CLIC5: variants seen among roughly 807,000 people sequenced by gnomAD.
CLIC5 encodes CLIC family member 5.
A neutral mutation model predicts 24.7 loss-of-function variants in CLIC5; 20 were observed. That is an observed-to-expected ratio of 0.81 (90% CI 0.57 to 1.18). CLIC5 has a LOEUF of 1.18. Ranked by LOEUF, CLIC5 falls within the 50% of genes most tolerant of loss-of-function variation. CLIC5 has a pLI of 0.00. For synonymous variants in CLIC5, 159 were observed against 135.6 expected (o/e 1.17, Z -1.20); for missense variants, 341 against 326.1 (o/e 1.05, Z -0.35).
rs1261254146 is a variant in CLIC5, at chr6:46,007,900, GT to G, written c.63+7579del. Among the ~76,000 whole-genome samples the G allele has an allele frequency of 7.1e-3, 1,011 of 142,958 alleles. 11 individuals carry two copies. Among genetic ancestry groups the G allele is most frequent in the African/African-American group, 0.022 (875 of 38,924 alleles). The allele number at this position is 142,958 out of a possible 152,430, so 93.8% of individuals were successfully genotyped here. ...TTCTTTTGTTTGTTTGTTTTTTCCT[GT>G]TTTTTTTCTTTTTCTTTTTTTTTTT... On this transcript the variant is annotated intron_variant, in intron 1 of 5. Transcript: ENST00000339561.
the CLIC5 span, among the ~76,000 whole-genome samples, chr6:46,100,211 C>T: frequency 6.6e-6 from 1 of 152,170 alleles, no homozygotes; most frequent in East Asian, 1.9e-4. Flanking sequence ...AGTCTTCAGT[C>T]ACTAGGTCAG....
In CLIC5 at chr6:45,941,575, G is replaced by T; in HGVS notation, c.378C>A (p.Ile126=). 6.2e-7 allele frequency: 1 copy of T among 1,613,768 alleles called. No homozygotes were observed. The highest frequency in any genetic ancestry group is 8.5e-7 in the Non-Finnish European group (1 of 1,179,754). ...CATTGTTCTGCTGCTTGGTATTTTT[G>T]ATGTAGGCAGAAAACTTGGAAAAGA... ...IDIFSKFSAY[I]KNTKQQNNAA... is the part of the protein sequence containing the mutation. Residue 126 remains isoleucine (I), a synonymous_variant, in exon 4 of 6, where the codon ATC becomes ATA. Coordinates refer to ENST00000339561, the MANE Select transcript of CLIC5 (RefSeq NM_016929.5).
the CLIC5 span, among the ~76,000 whole-genome samples, chr6:46,110,327 G>C: frequency 6.6e-6 from 1 of 152,120 alleles, no homozygotes; most frequent in Admixed American, 6.6e-5. Flanking sequence ...CTCTCAAACT[G>C]TCTTTTTCTC....
chr6:45,994,422 T>A (rs1766053153), intron 1 of CLIC5, among the ~76,000 whole-genome samples: 1 of 151,984 alleles, frequency 6.6e-6, no homozygotes, highest in Non-Finnish European at 1.5e-5. Flanking sequence ...TTCTCACTCA[T>A]AAGTGGGAGT....
At chr6:46,076,805 T>G (rs1302771043) in intron 1 of CLIC5, among the ~76,000 whole-genome samples, 1 of 152,228 alleles carries the variant, frequency 6.6e-6, no homozygotes, top group Admixed American at 6.5e-5. Flanking sequence ...TATTTGTTTA[T>G]TTGTTTATCA....
chr6:45,933,446 G>A (rs763443136), intron 4 of CLIC5, among the ~76,000 whole-genome samples: 1 of 152,202 alleles, frequency 6.6e-6, no homozygotes, highest in Non-Finnish European at 1.5e-5. Flanking sequence ...CTGATTTTCA[G>A]TTTGGAAAAC....
At chr6:45,945,489 T>G (rs1174379700) in intron 3 of CLIC5, among the ~76,000 whole-genome samples, 1 of 152,108 alleles carries the variant, frequency 6.6e-6, no homozygotes, top group Non-Finnish European at 1.5e-5. Context: ...TTGGGAGATC[T>G]TTCTTCTCTC....
At chr6:46,116,200 CAG>C in the CLIC5 span, among the ~76,000 whole-genome samples, 11 of 150,650 alleles carry the variant, frequency 7.3e-5, no homozygotes, top group Admixed American at 7.3e-4. Flanking sequence ...AGCAAGACCA[CAG>C]AGTCTGGAAG....
intron 1 of CLIC5, among the ~76,000 whole-genome samples, chr6:46,073,755 A>T (rs116165304): frequency 0.011 from 1,699 of 152,300 alleles, 17 homozygotes; most frequent in Non-Finnish European, 0.015. Context: ...GACCCACTCA[A>T]CCAAATGGAC....
intron 1 of CLIC5, among the ~76,000 whole-genome samples, chr6:46,022,996 G>A (rs911561959): frequency 7.9e-5 from 12 of 152,082 alleles, no homozygotes; most frequent in African/African-American, 2.9e-4. Context: ...AGGATATAAT[G>A]GTCCCTTGCT....
At chr6:45,974,987 T>C (rs1765338822) in intron 1 of CLIC5, among the ~76,000 whole-genome samples, 1 of 152,240 alleles carries the variant, frequency 6.6e-6, no homozygotes, top group South Asian at 2.1e-4. Flanking sequence ...GCTTTTTGAA[T>C]TTCAGGATTA....
chr6:46,045,234 A>T (rs73462601), intron 1 of CLIC5, among the ~76,000 whole-genome samples: 57 of 152,320 alleles, frequency 3.7e-4, no homozygotes, highest in African/African-American at 1.3e-3. Context: ...CATTTTTTTT[A>T]AATCACTTGA....
intron 1 of CLIC5, among the ~76,000 whole-genome samples, chr6:46,066,700 C>T (rs1166755205): frequency 6.6e-6 from 1 of 152,114 alleles, no homozygotes; most frequent in African/African-American, 2.4e-5. Context: ...GGGGGAGATA[C>T]ACACTTAACC....
At chr6:45,922,823 A>AAGAGAGAGAGAGAG (rs547902327) in intron 4 of CLIC5, among the ~76,000 whole-genome samples, 2,871 of 140,480 alleles carry the variant, frequency 0.02, 108 homozygotes, top group South Asian at 0.035. Flanking sequence ...GAGAGAGAGA[A>AAGAGAGAGAGAGAG]AGAGAGAGAG....
chr6:46,060,038 T>C (rs1762204680), intron 1 of CLIC5, among the ~76,000 whole-genome samples: 1 of 152,214 alleles, frequency 6.6e-6, no homozygotes, highest in Non-Finnish European at 1.5e-5. Flanking sequence ...CATATGAATA[T>C]GTAGTTTTCC....
chr6:46,117,436 A>G, the CLIC5 span, among the ~76,000 whole-genome samples: 1 of 152,224 alleles, frequency 6.6e-6, no homozygotes, highest in African/African-American at 2.4e-5. Flanking sequence ...AATACATGCA[A>G]ATGTGTTGGT....
chr6:45,929,605 C>T (rs918635303), intron 4 of CLIC5, among the ~76,000 whole-genome samples: 2 of 152,306 alleles, frequency 1.3e-5, no homozygotes, highest in Admixed American at 6.5e-5. Context: ...GCAATGGCTG[C>T]TTTATGAGGA....
chr6:46,070,903 C>G (rs1762577499), intron 1 of CLIC5, among the ~76,000 whole-genome samples: 2 of 151,870 alleles, frequency 1.3e-5, no homozygotes, highest in African/African-American at 4.8e-5. Flanking sequence ...ACAGAATAGA[C>G]AGCCCCAAAA....
At chr6:46,113,279 A>G in the CLIC5 span, among the ~76,000 whole-genome samples, 1 of 152,212 alleles carries the variant, frequency 6.6e-6, no homozygotes, top group Admixed American at 6.5e-5. Context: ...TTTCTAACTC[A>G]AAAGCTCCAA....
Sources: gnomAD v4.1 joint callset for allele counts (sites outside exome capture counted in the v4.1 genomes callset) on GRCh38, gnomAD v4.1.1 for gene constraint, MANE v1.5 for transcripts, NCBI Gene and HGNC (gene_info 2026-07-23, HGNC 2026-07-21) for gene names.